ESCO1: variants seen among roughly 807,000 people sequenced by gnomAD.
ESCO1 encodes N-acetyltransferase ESCO1.
Under a neutral mutation model 83.5 loss-of-function variants are expected in ESCO1, and 33 were observed. That is an observed-to-expected ratio of 0.40 (90% CI 0.30 to 0.53). The LOEUF (loss-of-function observed/expected upper bound fraction) is 0.53, where lower values mean the gene tolerates loss of function less well. Among genes scored for constraint, ESCO1 ranks in the 20% least tolerant of loss-of-function variants. The probability of loss-of-function intolerance (pLI) is 0.63; values close to 1 mark genes in which losing one functional copy is unlikely to be tolerated. For missense variants in ESCO1, 855 were observed against 968.0 expected (o/e 0.88, Z 1.55); for synonymous variants, 332 against 324.3 (o/e 1.02, Z -0.25).
chr18:21,530,276 G>A lies in ESCO1; in HGVS notation c.*67C>T, dbSNP rs2037749955. 1 of 1,378,904 alleles carries A rather than the reference G, an allele frequency of 7.3e-7. No homozygotes were observed. The highest frequency in any genetic ancestry group is 2.0e-5 in the South Asian group (1 of 49,688). 85.4% of individuals were successfully genotyped at this position (1,378,904 alleles called of 1,614,324 possible). On this transcript the variant is annotated 3_prime_UTR_variant, in exon 12 of 12. Transcript: ENST00000269214. ...GTAATAAAAATGGCCCTAGTTCCTG[G>A]TTAAAGTCAGCAACCAATCCATTCT... is the stretch of plus-strand genomic sequence containing the variant.
chr18:21,561,629 T>C (rs1274978371), intron 7 of ESCO1, among the ~76,000 whole-genome samples: 2 of 152,208 alleles, frequency 1.3e-5, no homozygotes, highest in African/African-American at 4.8e-5. Flanking sequence ...GGTTTCACCA[T>C]GTTGACCAGG....
At chr18:21,537,161 AC>A (rs376416572) in intron 9 of ESCO1, among the ~76,000 whole-genome samples, 18 of 152,364 alleles carry the variant, frequency 1.2e-4, no homozygotes, top group African/African-American at 4.3e-4. Context: ...CTCCTAACTG[AC>A]CAAAGTCAAA....
chr18:21,579,450 A>G lies in ESCO1; in HGVS notation c.-693-3673T>C, dbSNP rs528316756. ...GCACTCCAGACTGAGTGACAAAGCA[A>G]GACCCCATCTCTTTAAAAAACAAAA... On this transcript the variant is annotated intron_variant, in intron 2 of 11. Transcript: ENST00000269214. 1.5e-3 allele frequency among the ~76,000 whole-genome samples: 224 copies of G among 151,824 alleles called. 8 individuals are homozygous for G. The highest frequency in any genetic ancestry group is 5.0e-4 in the Non-Finnish European group (34 of 67,992).
At position 21,530,102 on chromosome 18, in the gene ESCO1, A is replaced by G. The variant is rs2037747399; in HGVS notation, c.*241T>C. 1 of 339,684 alleles carries G rather than the reference A, an allele frequency of 2.9e-6. No individual in the cohort carries two copies. The highest frequency in any genetic ancestry group is 5.3e-6 in the Non-Finnish European group (1 of 189,910). The allele number at this position is 339,684 out of a possible 1,614,324, so 21.0% of individuals were successfully genotyped here. ...CTGCTGCATGTAAACATGTCTAAATAACTATAGATAAAATACATCAATCAT... is the reference window on the plus strand; with the variant it reads ...CTGCTGCATGTAAACATGTCTAAATGACTATAGATAAAATACATCAATCAT... On this transcript the variant is annotated 3_prime_UTR_variant, in exon 12 of 12. Transcript: ENST00000269214.
At chr18:21,554,839 C>A (rs965489884) in intron 8 of ESCO1, among the ~76,000 whole-genome samples, 4 of 151,882 alleles carry the variant, frequency 2.6e-5, no homozygotes, top group Non-Finnish European at 5.9e-5. Context: ...ACCCGAGAGG[C>A]GGAGGTTTCA....
intron 1 of ESCO1, among the ~76,000 whole-genome samples, chr18:21,587,261 G>A (rs2038595144): frequency 6.6e-6 from 1 of 152,076 alleles, no homozygotes; most frequent in South Asian, 2.1e-4. Context: ...TAGTACTAAG[G>A]CAATACCAGC....
rs1598471089 is a variant in ESCO1, at chr18:21,574,283, T to C, written c.561A>G (p.Lys187=). 1.2e-6 allele frequency: 2 copies of C among 1,613,854 alleles called. No homozygotes were observed. Among genetic ancestry groups the C allele is most frequent in the Non-Finnish European group, 1.7e-6 (2 of 1,180,002 alleles). The change falls in exon 4 of 12, where the codon AAA becomes AAG. Residue 187 remains lysine (K), a synonymous_variant. Coordinates refer to ENST00000269214, the MANE Select transcript of ESCO1 (RefSeq NM_052911.3). ...RKVLEVKSDS[K]EDENLVINEV... ...CATTAATTACTAGATTTTCATCTTCTTTAGAGTCAGACTTTACTTCCAGTA... is the reference window on the plus strand; with the variant it reads ...CATTAATTACTAGATTTTCATCTTCCTTAGAGTCAGACTTTACTTCCAGTA...
At chr18:21,551,602 G>C (rs1368645376) in intron 8 of ESCO1, among the ~76,000 whole-genome samples, 1 of 152,206 alleles carries the variant, frequency 6.6e-6, no homozygotes, top group African/African-American at 2.4e-5. Flanking sequence ...ACAAGGAGAA[G>C]AGTCTCTTGC....
At chr18:21,585,900 G>C (rs979069538) in intron 1 of ESCO1, among the ~76,000 whole-genome samples, 6 of 152,034 alleles carry the variant, frequency 3.9e-5, no homozygotes, top group African/African-American at 1.4e-4. Context: ...CAGCCTAAAA[G>C]AATTTTTTTA....
intron 7 of ESCO1, among the ~76,000 whole-genome samples, chr18:21,561,974 G>A (rs1281263177): frequency 6.6e-6 from 1 of 151,980 alleles, no homozygotes; most frequent in East Asian, 2.0e-4. Context: ...CCACTCCTGG[G>A]TTCAAGCGAT....
intron 9 of ESCO1, among the ~76,000 whole-genome samples, chr18:21,537,578 C>T (rs1053672301): frequency 3.9e-5 from 6 of 152,108 alleles, no homozygotes; most frequent in African/African-American, 1.4e-4. Flanking sequence ...TCCAATAACA[C>T]TCATTTATGT....
intron 4 of ESCO1, among the ~76,000 whole-genome samples, chr18:21,568,666 G>A (rs2038296315): frequency 6.6e-6 from 1 of 152,138 alleles, no homozygotes; most frequent in Non-Finnish European, 1.5e-5. Flanking sequence ...ACTTTGGGAG[G>A]CCGAGACGGG....
Position 21,536,119 on chromosome 18 carries a change from A to C in ESCO1, c.2110T>G (p.Ser704Ala). The C allele has an allele frequency of 1.2e-6, 2 of 1,614,178 alleles. No homozygotes were observed. Among genetic ancestry groups the C allele is most frequent in the Non-Finnish European group, 1.7e-6 (2 of 1,180,010 alleles). ...GFQQAPLMCY[S>A]RTKTLLFISN... ...ATGAAGAGAAGTGTTTTAGTTCTGG[A>C]ATAGCACATTAGTGGAGCCTGTTGA... Residue 704 changes from serine (S) to alanine (A), a missense_variant, in exon 10 of 12, where the codon TCC becomes GCC. Ser to Ala is a moderately conservative substitution (Grantham distance 99). Around this residue, in one of 2 missense-constraint regions of ESCO1, gnomAD observed 129 missense variants for 268.5 expected, o/e 0.48. Coordinates refer to ENST00000269214, the MANE Select transcript of ESCO1 (RefSeq NM_052911.3).
chr18:21,581,582 G>C (rs2038503399), intron 2 of ESCO1, among the ~76,000 whole-genome samples: 1 of 151,968 alleles, frequency 6.6e-6, no homozygotes, highest in African/African-American at 2.4e-5. Context: ...TTGCACTCCA[G>C]CCTGGACGAC....
intron 4 of ESCO1, 136 bp from the exon 5 acceptor site, chr18:21,568,230 A>G: frequency 1.6e-6 from 1 of 629,572 alleles, no homozygotes; most frequent in Non-Finnish European, 2.8e-6. Context: ...AAGTCTCCCC[A>G]TGATCTTGCT....
chr18:21,586,000 G>A (rs1230868153), intron 1 of ESCO1, among the ~76,000 whole-genome samples: 1 of 152,234 alleles, frequency 6.6e-6, no homozygotes, highest in East Asian at 1.9e-4. Flanking sequence ...CATGATAACT[G>A]GGATAATTCA....
At chr18:21,593,693 A>G (rs922319641) in intron 1 of ESCO1, among the ~76,000 whole-genome samples, 1 of 151,196 alleles carries the variant, frequency 6.6e-6, no homozygotes, top group Non-Finnish European at 1.5e-5. Context: ...CAACTATACA[A>G]CCTTTTAACC....
intron 2 of ESCO1, among the ~76,000 whole-genome samples, chr18:21,576,689 C>A (rs908606872): frequency 6.6e-6 from 1 of 152,052 alleles, no homozygotes; most frequent in Non-Finnish European, 1.5e-5. Flanking sequence ...TCTATTTATA[C>A]CCGAGACTCA....
chr18:21,599,281 T>C (rs1016104377), intron 1 of ESCO1, among the ~76,000 whole-genome samples: 64 of 152,310 alleles, frequency 4.2e-4, no homozygotes, highest in African/African-American at 1.4e-3. Flanking sequence ...AGGTCAAGGC[T>C]GCAGTGAACA....
Sources: allele counts gnomAD v4.1 joint callset (sites outside exome capture counted in the v4.1 genomes callset), GRCh38; gene constraint gnomAD v4.1.1; regional missense constraint gnomAD v4.1.1; transcripts MANE v1.5; gene names NCBI Gene and HGNC (gene_info 2026-07-23, HGNC 2026-07-21).